The following SLC20A2 variants were observed in gnomAD, a reference collection of about 807,000 sequenced individuals.
SLC20A2 encodes the protein sodium-dependent phosphate transporter 2.
Under a neutral mutation model 61.0 loss-of-function variants are expected in SLC20A2, and 30 were observed. The observed-to-expected ratio is 0.49, with a 90% confidence interval of 0.37 to 0.67. SLC20A2 has a LOEUF of 0.67. SLC20A2 is among the 30% of genes least tolerant of loss of function. The pLI, the probability that SLC20A2 is intolerant of heterozygous loss-of-function variation, is 0.00. For missense variants in SLC20A2, 626 were observed against 866.4 expected, an observed-to-expected ratio of 0.72 and a Z score of 3.48; for synonymous variants, 351 against 353.3, an observed-to-expected ratio of 0.99 and a Z score of 0.07.
At chr8:42,428,530 T>C (rs1482428640) in intron 10 of SLC20A2, among the ~76,000 whole-genome samples, 1 of 152,220 alleles carries the variant, frequency 6.6e-6, no homozygotes, top group Non-Finnish European at 1.5e-5. Context: ...AGCCCTGGCA[T>C]TCTGCCTTGG....
At chr8:42,447,764 A>G (rs1056226479) in intron 5 of SLC20A2, among the ~76,000 whole-genome samples, 2 of 152,256 alleles carry the variant, frequency 1.3e-5, no homozygotes, top group African/African-American at 4.8e-5. Context: ...GAATTAATGT[A>G]TATAAGTATT....
At chr8:42,419,956 G>A (rs772429823) in intron 10 of SLC20A2, among the ~76,000 whole-genome samples, 5 of 152,206 alleles carry the variant, frequency 3.3e-5, no homozygotes, top group Non-Finnish European at 7.3e-5. Context: ...GGGAGGCCAA[G>A]GCGGGCGGAT....
At chr8:42,504,854 A>AAAAAAAAC, upstream of SLC20A2, among the ~76,000 whole-genome samples, 1 of 89,328 alleles carries the variant, frequency 1.1e-5, no homozygotes, top group Non-Finnish European at 2.0e-5. Flanking sequence ...CTCCGTCTCA[A>AAAAAAAAC]AAAAAAAAAA....
chr8:42,482,485 G>A (rs1402490166), intron 1 of SLC20A2, among the ~76,000 whole-genome samples: 1 of 152,148 alleles, frequency 6.6e-6, no homozygotes, highest in African/African-American at 2.4e-5. Flanking sequence ...ATTTAGGCTG[G>A]GCGAGGTGGT....
intron 2 of SLC20A2, among the ~76,000 whole-genome samples, chr8:42,467,005 G>T (rs1174959893): frequency 2.0e-5 from 3 of 152,118 alleles, no homozygotes; most frequent in African/African-American, 4.8e-5. Context: ...CGGGGGTCTT[G>T]CTATGTTGCC....
At chr8:42,421,488 C>A (rs182067004) in intron 10 of SLC20A2, among the ~76,000 whole-genome samples, 1 of 152,150 alleles carries the variant, frequency 6.6e-6, no homozygotes, top group Non-Finnish European at 1.5e-5. Context: ...GTCACTCTTA[C>A]GAACTCTAGT....
chr8:42,450,742 T>G (rs1805577747), intron 5 of SLC20A2, among the ~76,000 whole-genome samples: 1 of 152,170 alleles, frequency 6.6e-6, no homozygotes, highest in Non-Finnish European at 1.5e-5. Context: ...TAGGCTGGTC[T>G]CTAACTCCTG....
intron 1 of SLC20A2, among the ~76,000 whole-genome samples, chr8:42,533,654 CTTTTTTTTTTTTT>C (rs1162369065): frequency 3.6e-5 from 2 of 55,310 alleles, no homozygotes; most frequent in East Asian, 1.0e-3. Context: ...ATCAACTGTT[CTTTTTTTTTTTTT>C]TTTTTTTTTG....
At chr8:42,462,585 C>G (rs981925947) in intron 4 of SLC20A2, among the ~76,000 whole-genome samples, 3 of 150,584 alleles carry the variant, frequency 2.0e-5, no homozygotes, top group Non-Finnish European at 2.9e-5. Context: ...CAACCTTGCT[C>G]TCTCCATTAA....
At chr8:42,495,743 T>C (rs1809873112) in intron 1 of SLC20A2, among the ~76,000 whole-genome samples, 1 of 150,840 alleles carries the variant, frequency 6.6e-6, no homozygotes, top group Non-Finnish European at 1.5e-5. Context: ...ATTCTACAGA[T>C]CCCTCCCCCT....
chr8:42,524,084 C>G (rs979248804), intron 1 of SLC20A2, among the ~76,000 whole-genome samples: 10 of 152,182 alleles, frequency 6.6e-5, no homozygotes, highest in African/African-American at 2.4e-4. Context: ...TAACCCAGGC[C>G]ATTCTGCTGG....
chr8:42,504,852 C>CAAGAAAAAAAA (rs1810550840), upstream of SLC20A2, among the ~76,000 whole-genome samples: 1 of 16,492 alleles, frequency 6.1e-5, no homozygotes, highest in Non-Finnish European at 1.1e-4. Flanking sequence ...GACTCCGTCT[C>CAAGAAAAAAAA]AAAAAAAAAA....
chr8:42,429,718 A>G (rs1219227081), intron 9 of SLC20A2, among the ~76,000 whole-genome samples: 1 of 152,294 alleles, frequency 6.6e-6, no homozygotes, highest in East Asian at 1.9e-4. Context: ...AGGCCAGCCC[A>G]GGGGCCTGTT....
chr8:42,525,495 T>C (rs1811864994), intron 1 of SLC20A2, among the ~76,000 whole-genome samples: 1 of 146,656 alleles, frequency 6.8e-6, no homozygotes, highest in Non-Finnish European at 1.5e-5. Flanking sequence ...GGCAGGAGAA[T>C]TGCTCACACC....
At chr8:42,478,031 G>A (rs1200332793) in intron 1 of SLC20A2, among the ~76,000 whole-genome samples, 1 of 150,896 alleles carries the variant, frequency 6.6e-6, no homozygotes, top group Admixed American at 6.6e-5. Flanking sequence ...GACTACAGGT[G>A]CACACCACCA....
rs564199915 is a variant in SLC20A2 at position 42,467,971 on chromosome 8, C to T, written c.290-2054G>A. On this transcript the variant is annotated intron_variant, in intron 2 of 10. Transcript: ENST00000520262. ...TTGCTCTGTTGCCCAGGCGCAATCT[C>T]GGCTCACTGCAAGCTCTGCCTCCTG... Among the ~76,000 whole-genome samples the T allele has an allele frequency of 3.3e-5, 5 of 151,460 alleles. No homozygotes were observed. The South Asian group carries it at 1.0e-3, about 32-fold the overall frequency.
chr8:42,421,526 C>T (rs370046321), intron 10 of SLC20A2, among the ~76,000 whole-genome samples: 2 of 152,142 alleles, frequency 1.3e-5, no homozygotes, highest in African/African-American at 2.4e-5. Flanking sequence ...GAATATCGGC[C>T]GGGTGCGGTG....
chr8:42,524,519 G>A (rs1462632856), intron 1 of SLC20A2, among the ~76,000 whole-genome samples: 1 of 152,068 alleles, frequency 6.6e-6, no homozygotes, highest in Non-Finnish European at 1.5e-5. Context: ...TGGGCGCTGT[G>A]GCTCACCCCT....
chr8:42,497,048 G>C (rs1796594378), intron 1 of SLC20A2, among the ~76,000 whole-genome samples: 1 of 152,192 alleles, frequency 6.6e-6, no homozygotes, highest in Non-Finnish European at 1.5e-5. Flanking sequence ...TATCTCAGGT[G>C]AGCCTCATTT....
Sources: allele counts gnomAD v4.1 joint callset (sites outside exome capture counted in the v4.1 genomes callset), GRCh38; gene constraint gnomAD v4.1.1; transcripts MANE v1.5; gene names NCBI Gene and HGNC (gene_info 2026-07-23, HGNC 2026-07-21).